Variants in ABCE1 observed in about 807,000 individuals in gnomAD.
ABCE1 encodes ATP binding cassette subfamily E member 1.
Under a neutral mutation model 83.4 loss-of-function variants are expected in ABCE1, and 22 were observed. That is an observed-to-expected ratio of 0.26 (90% confidence interval 0.19 to 0.38). The LOEUF (loss-of-function observed/expected upper bound fraction) is 0.38, where lower values mean the gene tolerates loss of function less well. Among genes scored for constraint, ABCE1 ranks in the 10% least tolerant of loss-of-function variants. The pLI is 1.00. For synonymous variants in ABCE1, 204 were observed against 233.7 expected (o/e 0.87, Z 1.16); for missense variants, 330 against 721.9 (o/e 0.46, Z 6.22).
chr4:145,129,480 G>A lies in ABCE1; in HGVS notation c.*1907G>A, dbSNP rs572368437. On this transcript the variant is annotated 3_prime_UTR_variant, in exon 18 of 18. Transcript: ENST00000296577. ...CAGTTTATTATACTACCATTTTTGT[G>A]AAAATATACAAAATATTGAAATAAA... Among the ~76,000 whole-genome samples, 5 of 152,060 alleles carry A rather than the reference G, an allele frequency of 3.3e-5. No individual in the cohort carries two copies. Among genetic ancestry groups the A allele is most frequent in the African/African-American group, 1.2e-4 (5 of 41,510 alleles).
intron 3 of ABCE1, among the ~76,000 whole-genome samples, 156 bp downstream of exon 3, chr4:145,105,846 C>A (rs1319170819): frequency 1.3e-5 from 2 of 151,942 alleles, no homozygotes; most frequent in Non-Finnish European, 2.9e-5. Context: ...ATATCAGTGA[C>A]ATTGTTGCTT....
At position 145,123,329 on chromosome 4, in the gene ABCE1, A is replaced by C; in HGVS notation, c.1489A>C (p.Arg497=). The C allele has an allele frequency of 6.2e-7, 1 of 1,609,398 alleles. No individual in the cohort carries two copies. Among genetic ancestry groups the C allele is most frequent in the Non-Finnish European group, 8.5e-7 (1 of 1,178,308 alleles). ...ATCTGCATATTTGGATTCTGAGCAA[A>C]GACTGATGGCAGCTCGAGTTGTCAA... ...EPSAYLDSEQ[R]LMAARVVKRF... Residue 497 remains arginine (R), a synonymous_variant, in exon 15 of 18, where the codon AGA becomes CGA. Transcript: ENST00000296577.
At chr4:145,102,598 T>C (rs1337560816) in intron 1 of ABCE1, among the ~76,000 whole-genome samples, 4 of 152,172 alleles carry the variant, frequency 2.6e-5, no homozygotes, top group Admixed American at 6.5e-5. Context: ...CCTACCATTT[T>C]CAGCTCTATG....
At chr4:145,106,241 A>G (rs1424384775) in intron 3 of ABCE1, among the ~76,000 whole-genome samples, 1 of 152,034 alleles carries the variant, frequency 6.6e-6, no homozygotes, top group Non-Finnish European at 1.5e-5. Flanking sequence ...AATGTGTAAC[A>G]TACTTAATTT....
rs1453850500 is a variant in ABCE1 at position 145,121,249 on chromosome 4, T to A, written c.1204+16T>A. On this transcript the variant is annotated intron_variant, in intron 12 of 17. Transcript: ENST00000296577. Reference sequence around the variant, plus strand: ...GATGAAGGAGGTACATTTGTAACTGTTGAGTCTTTTTACTCTGTTTTACAC... The same window carrying A: ...GATGAAGGAGGTACATTTGTAACTGATGAGTCTTTTTACTCTGTTTTACAC... The A allele has an allele frequency of 6.2e-7, 1 of 1,613,616 alleles. No homozygotes were observed. The highest frequency in any genetic ancestry group is 1.3e-5 in the African/African-American group (1 of 74,908).
At chr4:145,122,616 A>G (rs1749774280) in intron 13 of ABCE1, 1 of 154,708 alleles carries the variant, frequency 6.5e-6, no homozygotes, top group Admixed American at 6.4e-5. Context: ...CCAAGAGTTT[A>G]AGACCAGCCT....
intron 17 of ABCE1, among the ~76,000 whole-genome samples, 168 bp from the exon 18 acceptor site, chr4:145,127,358 T>C (rs1749914260): frequency 6.6e-6 from 1 of 152,202 alleles, no homozygotes; most frequent in Non-Finnish European, 1.5e-5. Flanking sequence ...GTAGTTATCT[T>C]TCCTTTGAGC....
intron 1 of ABCE1, among the ~76,000 whole-genome samples, chr4:145,100,894 A>T (rs1334080020): frequency 6.6e-6 from 1 of 152,098 alleles, no homozygotes; most frequent in East Asian, 1.9e-4. Flanking sequence ...GAAATGCTTG[A>T]TCTCCTGTGT....
In ABCE1 at chr4:145,105,588, A is replaced by G. The variant is rs781041179; in HGVS notation, c.104-17A>G. On this transcript the variant is annotated splice_polypyrimidine_tract_variant and intron_variant, in intron 2 of 17. Transcript: ENST00000296577. ...AGATCAAAGGAAATGGCTTAATTATATCTTTTCCTTTACCAGGAAAATTAT... is the reference window on the plus strand; with the variant it reads ...AGATCAAAGGAAATGGCTTAATTATGTCTTTTCCTTTACCAGGAAAATTAT... The G allele has an allele frequency of 1.6e-5, 25 of 1,541,954 alleles. No individual in the cohort carries two copies. Among genetic ancestry groups the G allele is most frequent in the Non-Finnish European group, 2.0e-5 (23 of 1,122,072 alleles).
At chr4:145,110,485 TA>T (rs1749438461) in intron 7 of ABCE1, 41 bp downstream of exon 7, 1 of 1,581,380 alleles carries the variant, frequency 6.3e-7, no homozygotes, top group Non-Finnish European at 8.7e-7. Context: ...TATATTTATT[TA>T]TTTTTTGAGA....
intron 8 of ABCE1, among the ~76,000 whole-genome samples, chr4:145,111,661 T>C (rs1048035027): frequency 9.9e-5 from 15 of 152,128 alleles, no homozygotes; most frequent in African/African-American, 4.8e-5. Context: ...ACTTAAGCTC[T>C]CCAGCCAGGC....
At chr4:145,126,291 GGTTTTA>G (rs1749885524) in intron 17 of ABCE1, among the ~76,000 whole-genome samples, 1 of 152,044 alleles carries the variant, frequency 6.6e-6, no homozygotes, top group African/African-American at 2.4e-5. Flanking sequence ...TTTTGGTTTT[GGTTTTA>G]GTTGTTTGTT....
chr4:145,099,526 A>G (rs1047432323), intron 1 of ABCE1, among the ~76,000 whole-genome samples: 1 of 152,148 alleles, frequency 6.6e-6, no homozygotes, highest in South Asian at 2.1e-4. Context: ...GTTCTCCCCT[A>G]TTTTAAAAAA....
chr4:145,124,029 T>C (rs962431370), intron 16 of ABCE1: 3 of 153,880 alleles, frequency 1.9e-5, no homozygotes, highest in African/African-American at 7.2e-5. Flanking sequence ...GGTATTAATC[T>C]ATAGCAGAGT....
chr4:145,109,281 C>T (rs1749396208), intron 5 of ABCE1, 32 bp downstream of exon 5: 2 of 1,321,454 alleles, frequency 1.5e-6, no homozygotes, highest in Non-Finnish European at 2.1e-6. Flanking sequence ...AAATTAATAT[C>T]ATGAGTCAGT....
At chr4:145,117,812 T>C (rs1264481970) in intron 10 of ABCE1, among the ~76,000 whole-genome samples, 1 of 151,894 alleles carries the variant, frequency 6.6e-6, no homozygotes, top group Non-Finnish European at 1.5e-5. Context: ...TAAATTTATC[T>C]GTAATATGTA....
chr4:145,102,493 A>C (rs35307171), intron 1 of ABCE1, among the ~76,000 whole-genome samples: 1,582 of 152,294 alleles, frequency 0.01, 13 homozygotes, highest in Non-Finnish European at 0.018. Flanking sequence ...TAGCCAGGGA[A>C]ATACATACAG....
At chr4:145,108,376 A>G (rs901304831) in intron 4 of ABCE1, among the ~76,000 whole-genome samples, 43 of 152,316 alleles carry the variant, frequency 2.8e-4, no homozygotes, top group African/African-American at 9.6e-4. Flanking sequence ...GGACCTTAGT[A>G]TATTGAAAAA....
At chr4:145,109,358 G>A (rs535696856) in intron 5 of ABCE1, 109 bp downstream of exon 5, 90 of 583,062 alleles carry the variant, frequency 1.5e-4, no homozygotes, top group Admixed American at 6.9e-4. Context: ...ATTATTTATG[G>A]AATTAATGCT....
Sources: gnomAD v4.1 joint callset for allele counts (sites outside exome capture counted in the v4.1 genomes callset) on GRCh38, gnomAD v4.1.1 for gene constraint, MANE v1.5 for transcripts, NCBI Gene and HGNC (gene_info 2026-07-23, HGNC 2026-07-21) for gene names.